MGA: variants seen among roughly 807,000 people sequenced by gnomAD.
MGA encodes MAX gene-associated protein.
A neutral mutation model predicts 261.1 loss-of-function variants in MGA; 40 were observed. That is an observed-to-expected ratio of 0.15 (90% confidence interval 0.12 to 0.20). The LOEUF (loss-of-function observed/expected upper bound fraction) is 0.20. Ranked by LOEUF, MGA falls within the 10% of genes least tolerant of loss-of-function variation. The pLI is 1.00. For missense variants in MGA, 3,397 were observed against 3,630.5 expected (o/e 0.94, Z 1.65); for synonymous variants, 1,302 against 1,290.6 (o/e 1.01, Z -0.19).
intron 13 of MGA, among the ~76,000 whole-genome samples, chr15:41,737,719 G>A (rs529050684): frequency 1.3e-5 from 2 of 152,074 alleles, no homozygotes; most frequent in Admixed American, 6.5e-5. Context: ...AGTGGCTTAC[G>A]CCTGTAATCC....
intron 9 of MGA, chr15:41,718,320 T>TAC (rs1555424434): frequency 1.0e-4 from 24 of 239,074 alleles, no homozygotes; most frequent in African/African-American, 2.8e-4. Context: ...TATATATATA[T>TAC]ACATATATAT....
chr15:41,662,146 G>C (rs1203368508), intron 1 of MGA, among the ~76,000 whole-genome samples: 2 of 152,160 alleles, frequency 1.3e-5, no homozygotes, highest in Non-Finnish European at 2.9e-5. Flanking sequence ...TAGCGTTTGT[G>C]TGGGTTAAGT....
At chr15:41,657,267 G>C (rs1244321623), upstream of MGA, among the ~76,000 whole-genome samples, 1 of 151,448 alleles carries the variant, frequency 6.6e-6, no homozygotes, top group Non-Finnish European at 1.5e-5. Context: ...GGTGGGCAAG[G>C]ATGGAGTTGT....
chr15:41,737,533 T>C (rs2061853476), intron 13 of MGA, among the ~76,000 whole-genome samples: 1 of 152,186 alleles, frequency 6.6e-6, no homozygotes, highest in African/African-American at 2.4e-5. Flanking sequence ...TATTTTTTCT[T>C]TATTTGATTC....
upstream of MGA, among the ~76,000 whole-genome samples, chr15:41,655,471 C>G (rs1441286329): frequency 6.6e-6 from 1 of 152,176 alleles, no homozygotes; most frequent in Non-Finnish European, 1.5e-5. Flanking sequence ...CCGTGTCTGG[C>G]TTTTCCCGTA....
In MGA at chr15:41,716,505, T is replaced by C. The variant is rs775421123; in HGVS notation, c.3430+3009T>C. Among the ~76,000 whole-genome samples the C allele has an allele frequency of 2.2e-4, 33 of 151,944 alleles. 1 individual carries two copies. The highest frequency in any genetic ancestry group is 8.3e-4 in the South Asian group (4 of 4,804). On this transcript the variant is annotated intron_variant, in intron 9 of 23. Transcript: ENST00000219905. ...GTGATATTTTTGTTAACAACTGATATGTAAAAGGAGTAGAAACAGGAAAGA... is the reference window on the plus strand; with the variant it reads ...GTGATATTTTTGTTAACAACTGATACGTAAAAGGAGTAGAAACAGGAAAGA...
At chr15:41,732,150 C>CTTT (rs934455098) in intron 11 of MGA, among the ~76,000 whole-genome samples, 1 of 141,066 alleles carries the variant, frequency 7.1e-6, no homozygotes, top group Non-Finnish European at 1.6e-5. Context: ...TTTTGTTATC[C>CTTT]TTTTTTTTTT....
chr15:41,699,248 CTTT>C (rs1250082527), intron 5 of MGA, 89 bp downstream of exon 5: 3 of 857,518 alleles, frequency 3.5e-6, no homozygotes, highest in Non-Finnish European at 3.5e-6. Context: ...TTTCTCATCT[CTTT>C]TTTTCTGTTT....
intron 1 of MGA, among the ~76,000 whole-genome samples, chr15:41,645,445 G>GGCGT: frequency 6.6e-6 from 1 of 152,196 alleles, no homozygotes; most frequent in East Asian, 1.9e-4. Context: ...AAATTAGCTG[G>GGCGT]GCGTGGCATG....
chr15:41,762,718 C>G (rs879297469), intron 22 of MGA, among the ~76,000 whole-genome samples: 10 of 152,084 alleles, frequency 6.6e-5, no homozygotes, highest in Admixed American at 6.5e-5. Context: ...ATCCACCCGC[C>G]TTGGCCTCCC....
chr15:41,690,368 C>G (rs771669277), intron 2 of MGA, among the ~76,000 whole-genome samples: 6 of 152,124 alleles, frequency 3.9e-5, no homozygotes, highest in Non-Finnish European at 7.3e-5. Context: ...TTGGCTGTTA[C>G]GAATAATGTT....
At chr15:41,648,613 G>A (rs1454995604) in intron 1 of MGA, among the ~76,000 whole-genome samples, 1 of 152,160 alleles carries the variant, frequency 6.6e-6, no homozygotes, top group Non-Finnish European at 1.5e-5. Flanking sequence ...TGTGGGGACT[G>A]GAAGCAAAGC....
At chr15:41,733,606 G>C (rs2061622285) in intron 11 of MGA, among the ~76,000 whole-genome samples, 1 of 152,090 alleles carries the variant, frequency 6.6e-6, no homozygotes, top group African/African-American at 2.4e-5. Flanking sequence ...ACAGCAATTT[G>C]TTAATGACAA....
At chr15:41,690,706 C>T (rs1327277058) in intron 2 of MGA, among the ~76,000 whole-genome samples, 2 of 151,952 alleles carry the variant, frequency 1.3e-5, no homozygotes, top group Non-Finnish European at 1.5e-5. Flanking sequence ...GAGAACCTGT[C>T]TCTACAAAAA....
intron 2 of MGA, among the ~76,000 whole-genome samples, chr15:41,690,283 T>C (rs1051855562): frequency 6.6e-6 from 1 of 152,274 alleles, no homozygotes; most frequent in Non-Finnish European, 1.5e-5. Flanking sequence ...TCGTTTCTTT[T>C]TATTGTCAAA....
chr15:41,749,742 C>G lies in MGA; in HGVS notation c.6135C>G (p.Val2045=), dbSNP rs758722384. The G allele has an allele frequency of 3.7e-6, 6 of 1,613,844 alleles. No individual in the cohort carries two copies. Among genetic ancestry groups the G allele is most frequent in the Non-Finnish European group, 5.1e-6 (6 of 1,179,902 alleles). ...TTCCAGAAGAAGGTTGTGCAACTGT[C>G]AAACCATCTGAGCATTCCTGTATCA... Residue 2045 remains valine, a synonymous_variant, in exon 17 of 24, where the codon GTC becomes GTG. Coordinates refer to ENST00000219905, the MANE Select transcript of MGA (RefSeq NM_001164273.2).
chr15:41,731,866 C>T (rs1040171972), intron 11 of MGA, among the ~76,000 whole-genome samples: 1 of 152,164 alleles, frequency 6.6e-6, no homozygotes, highest in Non-Finnish European at 1.5e-5. Context: ...ATAAGGGTTT[C>T]TTGTCTTACT....
At chr15:41,636,964 G>C (rs559592921) in intron 1 of MGA, among the ~76,000 whole-genome samples, 27 of 151,968 alleles carry the variant, frequency 1.8e-4, no homozygotes, top group Non-Finnish European at 2.9e-4. Context: ...AGGTGACACC[G>C]TAAAGGGAGA....
chr15:41,654,155 T>C (rs2057121013), intron 1 of MGA, among the ~76,000 whole-genome samples: 1 of 152,220 alleles, frequency 6.6e-6, no homozygotes, highest in Non-Finnish European at 1.5e-5. Flanking sequence ...ATCACAGTCC[T>C]GTTGTGTGTA....
Sources: gnomAD v4.1 joint callset for allele counts (sites outside exome capture counted in the v4.1 genomes callset) on GRCh38, gnomAD v4.1.1 for gene constraint, MANE v1.5 for transcripts, NCBI Gene and HGNC (gene_info 2026-07-23, HGNC 2026-07-21) for gene names.